Variants in ATRNL1 observed in about 807,000 individuals in gnomAD.
The protein encoded by ATRNL1 is attractin like 1, also known as attractin-like protein 1.
ATRNL1 carries 95 observed loss-of-function variants against 182.7 expected under a neutral mutation model. The observed-to-expected ratio is 0.52, with a 90% CI of 0.44 to 0.62. The LOEUF is 0.62. ATRNL1 is among the 20% of genes least tolerant of loss of function. The pLI is 0.00. For synonymous variants in ATRNL1, 576 were observed against 568.3 expected, an observed-to-expected ratio of 1.01 and a Z score of -0.19; for missense variants, 1,471 against 1,679.5, an observed-to-expected ratio of 0.88 and a Z score of 2.17.
At chr10:115,422,664 C>G (rs1554962123) in intron 20 of ATRNL1, among the ~76,000 whole-genome samples, 2 of 152,114 alleles carry the variant, frequency 1.3e-5, no homozygotes, top group Admixed American at 6.5e-5. Context: ...CCATTTGACC[C>G]AGCAATGGAA....
At chr10:115,352,079 C>A (rs776689302) in intron 19 of ATRNL1, among the ~76,000 whole-genome samples, 1 of 151,928 alleles carries the variant, frequency 6.6e-6, no homozygotes, top group African/African-American at 2.4e-5. Context: ...ACTTGTCTCC[C>A]AGGCTTTACA....
Position 115,387,076 on chromosome 10 carries a change from AC to A in ATRNL1, c.3176-7582del, listed in dbSNP as rs1312575357. ...ATGTGGCACATATACACCATGGAAT[AC>A]TATGAAGCCATAAAAAATGATGTCC... On this transcript the variant is annotated intron_variant, in intron 19 of 28. Transcript: ENST00000355044. Among the ~76,000 whole-genome samples, 6 of 143,028 alleles carry A rather than the reference AC, an allele frequency of 4.2e-5. No individual in the cohort carries two copies. In the East Asian group the frequency reaches 1.2e-3, roughly 29 times the overall value. The allele number at this position is 143,028 out of a possible 152,430, so 93.8% of individuals were successfully genotyped here.
chr10:115,400,678 C>T (rs1221627056), intron 20 of ATRNL1, among the ~76,000 whole-genome samples: 2 of 152,158 alleles, frequency 1.3e-5, no homozygotes, highest in South Asian at 2.1e-4. Flanking sequence ...CTGAATTGAA[C>T]CCTTTACCAT....
chr10:115,458,165 A>G (rs1463716431), intron 21 of ATRNL1, among the ~76,000 whole-genome samples: 1 of 152,124 alleles, frequency 6.6e-6, no homozygotes, highest in African/African-American at 2.4e-5. Context: ...CTACTTAGCT[A>G]AGAAGTTCAG....
intron 27 of ATRNL1, among the ~76,000 whole-genome samples, chr10:115,779,242 TC>T (rs1949204274): frequency 6.6e-6 from 1 of 152,130 alleles, no homozygotes; most frequent in Non-Finnish European, 1.5e-5. Flanking sequence ...GGGAATGAGT[TC>T]AGTTTTATAC....
intron 20 of ATRNL1, among the ~76,000 whole-genome samples, chr10:115,421,806 C>T (rs1232819729): frequency 6.6e-6 from 1 of 152,144 alleles, no homozygotes; most frequent in Non-Finnish European, 1.5e-5. Flanking sequence ...TATTACAAGG[C>T]TGTGGTAACC....
intron 28 of ATRNL1, among the ~76,000 whole-genome samples, chr10:115,870,730 C>T (rs575477372): frequency 6.6e-6 from 1 of 152,292 alleles, no homozygotes; most frequent in East Asian, 1.9e-4. Context: ...TGGCTAAGAG[C>T]ATAGACTCTG....
At chr10:115,438,656 A>C (rs534152264) in intron 21 of ATRNL1, among the ~76,000 whole-genome samples, 1 of 152,128 alleles carries the variant, frequency 6.6e-6, no homozygotes, top group East Asian at 1.9e-4. Flanking sequence ...AATAGAAAAC[A>C]CTTTTTTGCA....
In ATRNL1 at chr10:115,527,914, T is replaced by C. The variant is rs185849670; in HGVS notation, c.3716+8590T>C. ...TCCCTCCCTTCCTTCCTTCCTTCCT[T>C]CCTCCCTTCCTCCCTCCTTCCTTCT... On this transcript the variant is annotated intron_variant, in intron 25 of 28. Transcript: ENST00000355044. Among the ~76,000 whole-genome samples the C allele has an allele frequency of 9.3e-3, 636 of 68,304 alleles. 18 individuals are homozygous for C. Among genetic ancestry groups the C allele is most frequent in the African/African-American group, 0.015 (264 of 17,292 alleles). 44.8% of individuals were successfully genotyped at this position (68,304 alleles called of 152,430 possible).
chr10:115,546,926 A>T (rs1158241660), intron 25 of ATRNL1, among the ~76,000 whole-genome samples: 3 of 152,148 alleles, frequency 2.0e-5, no homozygotes, highest in African/African-American at 4.8e-5. Context: ...GATTTTGTTT[A>T]ACCTAGAAGG....
At chr10:115,281,214 G>T (rs1206078398) in intron 13 of ATRNL1, 141 bp from the exon 14 acceptor site, 2 of 635,992 alleles carry the variant, frequency 3.1e-6, no homozygotes, top group Non-Finnish European at 4.8e-6. Context: ...AAATAAATAA[G>T]GGAGAGTCTG....
intron 8 of ATRNL1, among the ~76,000 whole-genome samples, chr10:115,202,609 T>C (rs1460719129): frequency 2.0e-5 from 3 of 149,872 alleles, no homozygotes; most frequent in Non-Finnish European, 3.0e-5. Flanking sequence ...ATAAGCTTTT[T>C]GATGTGCTGC....
chr10:115,376,068 T>C (rs536080288), intron 19 of ATRNL1, among the ~76,000 whole-genome samples: 15 of 152,264 alleles, frequency 9.9e-5, no homozygotes, highest in African/African-American at 3.6e-4. Context: ...AATGTGTTTC[T>C]CTCTATTTCA....
chr10:115,310,264 T>A (rs1853946982), intron 17 of ATRNL1, among the ~76,000 whole-genome samples: 1 of 152,180 alleles, frequency 6.6e-6, no homozygotes, highest in Non-Finnish European at 1.5e-5. Context: ...TTGTTGAGGA[T>A]TTTTTCATTT....
chr10:115,899,489 G>A (rs996434802), intron 28 of ATRNL1, among the ~76,000 whole-genome samples: 2 of 152,162 alleles, frequency 1.3e-5, no homozygotes, highest in Middle Eastern at 3.4e-3. Context: ...TGTATTTTTA[G>A]TAGAGATGGG....
At chr10:115,432,112 A>G (rs1230923723) in intron 21 of ATRNL1, among the ~76,000 whole-genome samples, 2 of 152,186 alleles carry the variant, frequency 1.3e-5, no homozygotes, top group Admixed American at 1.3e-4. Context: ...ATTAATGTTA[A>G]TAAAACCTTT....
chr10:115,247,699 A>C (rs1219594587), intron 10 of ATRNL1, among the ~76,000 whole-genome samples: 1 of 152,232 alleles, frequency 6.6e-6, no homozygotes, highest in Non-Finnish European at 1.5e-5. Context: ...GAAAATCAGT[A>C]TATTAAAGAG....
intron 21 of ATRNL1, among the ~76,000 whole-genome samples, chr10:115,433,968 A>T (rs1846285182): frequency 6.6e-6 from 1 of 152,144 alleles, no homozygotes; most frequent in African/African-American, 2.4e-5. Context: ...TGAGTGGAAG[A>T]TTGAGAGCTG....
chr10:115,275,893 C>A (rs1380722608), intron 13 of ATRNL1, among the ~76,000 whole-genome samples: 1 of 152,126 alleles, frequency 6.6e-6, no homozygotes, highest in Non-Finnish European at 1.5e-5. Flanking sequence ...CACTGTGGGC[C>A]ACCTTTTGGT....
Sources: allele counts gnomAD v4.1 joint callset (sites outside exome capture counted in the v4.1 genomes callset), GRCh38; gene constraint gnomAD v4.1.1; transcripts MANE v1.5; gene names NCBI Gene and HGNC (gene_info 2026-07-23, HGNC 2026-07-21).